UBE2V2: variants seen among roughly 807,000 people sequenced by gnomAD.
The protein encoded by UBE2V2 is ubiquitin-conjugating enzyme E2 variant 2.
Under a neutral mutation model 17.2 loss-of-function variants are expected in UBE2V2, and 9 were observed. That is an observed-to-expected ratio of 0.52 (90% CI 0.32 to 0.91). UBE2V2 has a LOEUF of 0.91. Ranked by LOEUF, UBE2V2 falls within the 40% of genes least tolerant of loss-of-function variation. UBE2V2 has a pLI of 0.04. For missense variants in UBE2V2, 133 were observed against 182.6 expected, an observed-to-expected ratio of 0.73 and a Z score of 1.56; for synonymous variants, 61 against 57.5, an observed-to-expected ratio of 1.06 and a Z score of -0.28.
Position 48,011,365 on chromosome 8 carries a change from A to G in UBE2V2, c.16+2895A>G, listed in dbSNP as rs772601156. Among the ~76,000 whole-genome samples, 73 of 152,062 alleles carry G rather than the reference A, an allele frequency of 4.8e-4. 1 individual carries two copies. Among genetic ancestry groups the G allele is most frequent in the Non-Finnish European group, 8.8e-4 (60 of 68,016 alleles). On this transcript the variant is annotated intron_variant, in intron 1 of 3. Coordinates refer to ENST00000523111, the MANE Select transcript of UBE2V2 (RefSeq NM_003350.3). ...TGTATATATATTTTTTCTAGTAGAGATGGGGTTTCACCATGTTGGCCAGGC... is the reference window on the plus strand; with the variant it reads ...TGTATATATATTTTTTCTAGTAGAGGTGGGGTTTCACCATGTTGGCCAGGC...
chr8:48,029,726 G>A (rs2091370126), intron 1 of UBE2V2, among the ~76,000 whole-genome samples: 1 of 152,146 alleles, frequency 6.6e-6, no homozygotes, highest in Admixed American at 6.5e-5. Flanking sequence ...GATGTAAATG[G>A]TTATGTCCTC....
intron 1 of UBE2V2, among the ~76,000 whole-genome samples, chr8:48,011,876 C>T (rs2091234502): frequency 6.6e-6 from 1 of 152,164 alleles, no homozygotes; most frequent in Non-Finnish European, 1.5e-5. Flanking sequence ...GTAGTCTGAA[C>T]TCCTGGACTC....
At chr8:47,997,815 G>A in the UBE2V2 span, among the ~76,000 whole-genome samples, 1 of 151,922 alleles carries the variant, frequency 6.6e-6, no homozygotes, top group Admixed American at 6.6e-5. Context: ...GACGGAGGTA[G>A]AGCCGGAGTG....
intron 1 of UBE2V2, among the ~76,000 whole-genome samples, chr8:48,033,840 C>G (rs2091401506): frequency 6.6e-6 from 1 of 151,962 alleles, no homozygotes; most frequent in South Asian, 2.1e-4. Flanking sequence ...GACTGTAGTC[C>G]CAGCAACTTG....
At chr8:48,000,346 T>A in the UBE2V2 span, among the ~76,000 whole-genome samples, 2 of 152,198 alleles carry the variant, frequency 1.3e-5, no homozygotes, top group Non-Finnish European at 2.9e-5. Flanking sequence ...CCATAAATAC[T>A]CCTAAGTAAA....
intron 1 of UBE2V2, among the ~76,000 whole-genome samples, chr8:48,012,453 T>C (rs1214480224): frequency 6.6e-6 from 1 of 152,182 alleles, no homozygotes; most frequent in Admixed American, 6.5e-5. Context: ...GTGGGGTGGC[T>C]CACACCTGTA....
At chr8:48,023,467 C>T (rs540405841) in intron 1 of UBE2V2, among the ~76,000 whole-genome samples, 10 of 151,936 alleles carry the variant, frequency 6.6e-5, no homozygotes, top group Admixed American at 1.3e-4. Context: ...CCACCTGCCT[C>T]GGCCTCCCAA....
At chr8:47,997,816 A>C in the UBE2V2 span, among the ~76,000 whole-genome samples, 1 of 151,642 alleles carries the variant, frequency 6.6e-6, no homozygotes, top group Non-Finnish European at 1.5e-5. Context: ...ACGGAGGTAG[A>C]GCCGGAGTGG....
rs113999431 is a variant in UBE2V2, at chr8:48,056,584, G to A, written c.292-4098G>A. Among the ~76,000 whole-genome samples, 721 of 152,210 alleles carry A rather than the reference G, an allele frequency of 4.7e-3. 7 individuals are homozygous for A. Among genetic ancestry groups the A allele is most frequent in the African/African-American group, 0.016 (683 of 41,522 alleles). On this transcript the variant is annotated intron_variant, in intron 3 of 3. Transcript: ENST00000523111. ...TTCAAAAAAAGGAAAAGGAGACAGG[G>A]TTTCGTCATCTTGGCCAGGCTGGTC...
chr8:48,031,778 C>G (rs1358208809), intron 1 of UBE2V2, among the ~76,000 whole-genome samples: 2 of 152,194 alleles, frequency 1.3e-5, no homozygotes, highest in East Asian at 3.9e-4. Context: ...GCCTCAGCCT[C>G]CCGAGTAGAG....
chr8:48,015,050 C>CAAAAAAA (rs1173137634), intron 1 of UBE2V2, among the ~76,000 whole-genome samples: 21 of 63,764 alleles, frequency 3.3e-4, no homozygotes, highest in African/African-American at 1.1e-3. Context: ...ACTCCATCTC[C>CAAAAAAA]AAAAAAAAAA....
In UBE2V2 at chr8:48,058,691, T is replaced by G. The variant is rs2091589168; in HGVS notation, c.292-1991T>G. 3.3e-5 allele frequency among the ~76,000 whole-genome samples: 5 copies of G among 152,046 alleles called. No homozygotes were observed. In the South Asian group the frequency reaches 8.3e-4, roughly 25 times the overall value. ...ATTAAATATGATGTTAGCTCTAAGTTTTTTGTAGATTCCTGTTAGGTTGGA... is the reference window on the plus strand; with the variant it reads ...ATTAAATATGATGTTAGCTCTAAGTGTTTTGTAGATTCCTGTTAGGTTGGA... On this transcript the variant is annotated intron_variant, in intron 3 of 3. Transcript: ENST00000523111.
At chr8:48,000,778 C>T in the UBE2V2 span, among the ~76,000 whole-genome samples, 2 of 135,916 alleles carry the variant, frequency 1.5e-5, no homozygotes, top group Non-Finnish European at 3.0e-5. Flanking sequence ...GTGGAGATCA[C>T]GTCACTGCAC....
chr8:48,056,373 G>A (rs1020359778), intron 3 of UBE2V2, among the ~76,000 whole-genome samples: 3 of 152,170 alleles, frequency 2.0e-5, no homozygotes, highest in Non-Finnish European at 2.9e-5. Context: ...ATATTTAGGA[G>A]TGGAATTGTT....
intron 1 of UBE2V2, among the ~76,000 whole-genome samples, chr8:48,041,414 G>A (rs1251389923): frequency 6.6e-6 from 1 of 152,090 alleles, no homozygotes; most frequent in African/African-American, 2.4e-5. Context: ...CCTGGGAGGT[G>A]GAGGTTGGCT....
chr8:48,022,106 T>G (rs899281101), intron 1 of UBE2V2, among the ~76,000 whole-genome samples: 9 of 151,704 alleles, frequency 5.9e-5, no homozygotes, highest in African/African-American at 2.2e-4. Flanking sequence ...TTTACCCTAC[T>G]CTCCCATTTT....
At chr8:48,033,830 G>A (rs2091401425) in intron 1 of UBE2V2, among the ~76,000 whole-genome samples, 1 of 151,994 alleles carries the variant, frequency 6.6e-6, no homozygotes, top group Non-Finnish European at 1.5e-5. Context: ...GTTGGCATGC[G>A]ACTGTAGTCC....
chr8:48,002,583 T>C, the UBE2V2 span, among the ~76,000 whole-genome samples: 1 of 149,420 alleles, frequency 6.7e-6, no homozygotes, highest in Non-Finnish European at 1.5e-5. Context: ...ACCTCAGGAG[T>C]TGGAGACTAG....
intron 1 of UBE2V2, among the ~76,000 whole-genome samples, chr8:48,013,985 G>C (rs1445009571): frequency 6.6e-6 from 1 of 152,150 alleles, no homozygotes; most frequent in Non-Finnish European, 1.5e-5. Flanking sequence ...AAGATACTTG[G>C]ATATGGACAG....
Sources: allele counts gnomAD v4.1 joint callset (sites outside exome capture counted in the v4.1 genomes callset), GRCh38; gene constraint gnomAD v4.1.1; transcripts MANE v1.5; gene names NCBI Gene and HGNC (gene_info 2026-07-23, HGNC 2026-07-21).